Variants in ZNF233 observed in about 807,000 individuals in gnomAD.
ZNF233 encodes zinc finger protein 233.
A neutral mutation model predicts 11.6 loss-of-function variants in ZNF233; 7 were observed. The ratio of observed to expected loss-of-function variants is 0.60; its 90% CI spans 0.34 to 1.13. The LOEUF is 1.13. ZNF233 is among the 50% of genes most tolerant of loss of function. ZNF233 has a pLI of 0.03. For missense variants in ZNF233, 711 were observed against 785.5 expected, an observed-to-expected ratio of 0.91 and a Z score of 1.13; for synonymous variants, 226 against 268.5, an observed-to-expected ratio of 0.84 and a Z score of 1.55.
chr19:44,267,192 C>T, intron 4 of ZNF233: 1 of 437,598 alleles, frequency 2.3e-6, no homozygotes, highest in Non-Finnish European at 4.1e-6. Flanking sequence ...TCTGTGACTT[C>T]CCATCTCACT....
At chr19:44,266,568 ATAT>A (rs1370688621) in intron 3 of ZNF233, among the ~76,000 whole-genome samples, 1 of 152,198 alleles carries the variant, frequency 6.6e-6, no homozygotes, top group Non-Finnish European at 1.5e-5. Flanking sequence ...TGAAGTAGAA[ATAT>A]TATAGCTCCT....
intron 1 of ZNF233, among the ~76,000 whole-genome samples, chr19:44,263,201 G>A (rs1335489386): frequency 2.0e-5 from 3 of 152,132 alleles, no homozygotes; most frequent in African/African-American, 7.2e-5. Flanking sequence ...CTTTTAAAGT[G>A]TGCAATTCGG....
intron 3 of ZNF233, 132 bp from the exon 4 acceptor site, chr19:44,266,734 G>T: frequency 3.5e-6 from 2 of 568,274 alleles, no homozygotes; most frequent in East Asian, 2.8e-5. Flanking sequence ...CAAATTAAAA[G>T]GTATTCAGAC....
In ZNF233 at chr19:44,272,993, A is replaced by G; in HGVS notation, c.333A>G (p.Gln111=). Reference sequence around the variant, plus strand: ...TTATATGCTGGCAAATATGGGAACAATTTACAAGTAAATTAACCAGTAATC... The same window carrying G: ...TTATATGCTGGCAAATATGGGAACAGTTTACAAGTAAATTAACCAGTAATC... ...EDLICWQIWE[Q]FTSKLTSNQD... Residue 111 remains glutamine, a synonymous_variant, in exon 5 of 5, where the codon CAA becomes CAG. Coordinates refer to ENST00000683810, the MANE Select transcript of ZNF233 (RefSeq NM_001207005.2). The G allele has an allele frequency of 1.9e-6, 3 of 1,613,946 alleles. No homozygotes were observed. The highest frequency in any genetic ancestry group is 1.7e-6 in the Non-Finnish European group (2 of 1,179,994).
chr19:44,266,445 TCCTCAGGG>T, intron 3 of ZNF233, 121 bp downstream of exon 3: 1 of 1,277,016 alleles, frequency 7.8e-7, no homozygotes, highest in Non-Finnish European at 1.0e-6. Context: ...ATTTTCTAAT[TCCTCAGGG>T]ACATCTTGTC....
At chr19:44,264,599 T>A (rs1476750412) in intron 2 of ZNF233, among the ~76,000 whole-genome samples, 1 of 152,194 alleles carries the variant, frequency 6.6e-6, no homozygotes, top group Non-Finnish European at 1.5e-5. Flanking sequence ...GTGCAAAAAT[T>A]CGTAGATATC....
rs1366447333 is a variant in ZNF233 at position 44,259,926 on chromosome 19, T to TC, written c.-56dup. The TC allele has an allele frequency of 4.4e-6, 2 of 455,906 alleles. No individual in the cohort carries two copies. Among genetic ancestry groups the TC allele is most frequent in the South Asian group, 3.1e-5 (2 of 64,436 alleles). 28.2% of individuals were successfully genotyped at this position (455,906 alleles called of 1,614,324 possible). ...AGGAGGGCGAAGCAGCCGTCATCTATCCCCTCTGGGAGGTGAGTCAGCGCG... is the reference window on the plus strand; with the variant it reads ...AGGAGGGCGAAGCAGCCGTCATCTATCCCCCTCTGGGAGGTGAGTCAGCGCG... On this transcript the variant is annotated 5_prime_UTR_variant, in exon 1 of 5. Transcript: ENST00000683810.
At chr19:44,271,358 T>C (rs1006058250) in intron 4 of ZNF233, among the ~76,000 whole-genome samples, 14 of 152,220 alleles carry the variant, frequency 9.2e-5, no homozygotes, top group African/African-American at 3.4e-4. Context: ...AATAATCCAC[T>C]TGTGAATGCT....
At chr19:44,260,288 T>A (rs567186108) in intron 1 of ZNF233, 21 of 159,776 alleles carry the variant, frequency 1.3e-4, no homozygotes, top group African/African-American at 3.8e-4. Context: ...TTCGTGAGAT[T>A]TACTTAAGAT....
chr19:44,264,600 C>T (rs1355642801), intron 2 of ZNF233, among the ~76,000 whole-genome samples: 2 of 152,044 alleles, frequency 1.3e-5, no homozygotes, highest in African/African-American at 2.4e-5. Flanking sequence ...TGCAAAAATT[C>T]GTAGATATCA....
intron 3 of ZNF233, 46 bp from the exon 4 acceptor site, chr19:44,266,820 G>T (rs747883579): frequency 2.8e-6 from 4 of 1,439,804 alleles, no homozygotes; most frequent in Non-Finnish European, 1.9e-6. Flanking sequence ...TAAAATTTTT[G>T]ACTATAATGC....
intron 1 of ZNF233, 148 bp downstream of exon 1, chr19:44,260,086 T>TG (rs1335636374): frequency 6.9e-6 from 2 of 290,814 alleles, no homozygotes; most frequent in African/African-American, 2.3e-5. Flanking sequence ...GGGCGGTGCA[T>TG]GGGTCTCCAA....
At position 44,266,912 on chromosome 19, in the gene ZNF233, A is replaced by C. The variant is rs765428511; in HGVS notation, c.189A>C (p.Glu63Asp). 8 of 1,614,004 alleles carry C rather than the reference A, an allele frequency of 5.0e-6. No homozygotes were observed. In the African/African-American group the frequency reaches 8.0e-5, roughly 16 times the overall value. The change falls in exon 4 of 5, where the codon GAA (glutamate) becomes GAC (aspartate). Residue 63 changes from glutamate to aspartate, a missense_variant. By Grantham distance (45) the Glu-to-Asp change is conservative. Transcript: ENST00000683810. ...KLDVILQLGK[E>D]DKLRMMETEI... The stretch of plus-strand genomic sequence containing the variant: ...ATGTGATATTACAGTTGGGAAAAGA[A>C]GACAAGCTTCGGATGATGGAGACAG...
chr19:44,272,658 C>T (rs1282533606), intron 4 of ZNF233, among the ~76,000 whole-genome samples: 5 of 152,016 alleles, frequency 3.3e-5, no homozygotes, highest in African/African-American at 1.2e-4. Flanking sequence ...TGGAATGAAC[C>T]CGGGAGGTGG....
chr19:44,274,155 CAG>C lies in ZNF233; in HGVS notation c.1500_1501del (p.Arg500SerfsTer11), dbSNP rs1975325111. 3 of 1,613,990 alleles carry C rather than the reference CAG, an allele frequency of 1.9e-6. No homozygotes were observed. The highest frequency in any genetic ancestry group is 1.7e-6 in the Non-Finnish European group (2 of 1,180,004). On this transcript the variant is annotated frameshift_variant, in exon 5 of 5. Coordinates refer to ENST00000683810, the MANE Select transcript of ZNF233 (RefSeq NM_001207005.2). LOFTEE classifies it low-confidence loss of function (END_TRUNC). ...CCGTAATTCCCACCTTCAGGCCCAT[CAG>C]AGAGTCCATACAGGAGAGAAACCCT... ...FSRNSHLQAH[Q>X]RVHTGEKPYK...
intron 1 of ZNF233, among the ~76,000 whole-genome samples, chr19:44,262,958 G>A (rs937611165): frequency 6.6e-6 from 1 of 152,062 alleles, no homozygotes; most frequent in Admixed American, 6.6e-5. Flanking sequence ...AAGGAGACAC[G>A]ATTAAGAGAC....
chr19:44,265,961 C>A (rs1167768890), intron 2 of ZNF233, among the ~76,000 whole-genome samples: 1 of 152,122 alleles, frequency 6.6e-6, no homozygotes, highest in Non-Finnish European at 1.5e-5. Context: ...ACAAATGTCA[C>A]CAAATTAAAT....
At chr19:44,263,234 G>A (rs1974983487) in intron 1 of ZNF233, among the ~76,000 whole-genome samples, 1 of 152,126 alleles carries the variant, frequency 6.6e-6, no homozygotes, top group Non-Finnish European at 1.5e-5. Flanking sequence ...TATCCACAAT[G>A]TTAGGTTGTA....
chr19:44,267,520 C>T (rs1234448149), intron 4 of ZNF233: 1 of 393,768 alleles, frequency 2.5e-6, no homozygotes, highest in Non-Finnish European at 4.5e-6. Context: ...CTATGCTGGA[C>T]TAATTTTAAA....
Sources: allele counts gnomAD v4.1 joint callset (sites outside exome capture counted in the v4.1 genomes callset), GRCh38; gene constraint gnomAD v4.1.1; transcripts MANE v1.5; gene names NCBI Gene and HGNC (gene_info 2026-07-23, HGNC 2026-07-21).